CXorf58: variants seen among roughly 807,000 people sequenced by gnomAD.
CXorf58 encodes the protein chromosome X open reading frame 58, also known as uncharacterized protein CXorf58.
Under a neutral mutation model 26.0 loss-of-function variants are expected in CXorf58, and 24 were observed. The ratio of observed to expected loss-of-function variants is 0.92; its 90% CI spans 0.67 to 1.30. The LOEUF (loss-of-function observed/expected upper bound fraction) is 1.30. Ranked by LOEUF, CXorf58 falls within the 50% of genes most tolerant of loss-of-function variation. The pLI is 0.00. For missense variants in CXorf58, 236 were observed against 263.9 expected (o/e 0.89, Z 0.73); for synonymous variants, 87 against 86.1 (o/e 1.01, Z -0.06).
chrX:23,929,317 A>G (rs1928093434), intron 6 of CXorf58, among the ~76,000 whole-genome samples: 2 of 107,303 alleles, frequency 1.9e-5, no homozygotes, highest in Non-Finnish European at 3.9e-5. Context: ...GAGGCGGGAG[A>G]ATGGCGTGAA....
chrX:23,916,431 A>G (rs1927724351), intron 5 of CXorf58, 103 bp downstream of exon 5: 3 of 496,157 alleles, frequency 6.0e-6, no homozygotes, highest in South Asian at 7.3e-5. Context: ...TTCACCATGA[A>G]ACAGCCCACC....
At chrX:23,919,224 T>C (rs1199034080) in intron 5 of CXorf58, among the ~76,000 whole-genome samples, 1 of 112,016 alleles carries the variant, frequency 8.9e-6, no homozygotes, top group Non-Finnish European at 1.9e-5. Flanking sequence ...CTTTTGAGGC[T>C]ATTTTCTAGA....
At chrX:23,929,429 GA>G (rs1221039917) in intron 6 of CXorf58, among the ~76,000 whole-genome samples, 2 of 81,815 alleles carry the variant, frequency 2.4e-5, no homozygotes, top group Admixed American at 1.5e-4. Context: ...AAAAGAAAAA[GA>G]AAAAAAAAGA....
At chrX:23,917,921 A>G (rs1225878379) in intron 5 of CXorf58, among the ~76,000 whole-genome samples, 1 of 111,299 alleles carries the variant, frequency 9.0e-6, no homozygotes, top group African/African-American at 3.3e-5. Context: ...GCTCACTACA[A>G]GCTCCGCCTC....
intron 3 of CXorf58, among the ~76,000 whole-genome samples, chrX:23,914,589 A>G (rs1187078225): frequency 8.9e-6 from 1 of 111,840 alleles, no homozygotes. Flanking sequence ...TAGGCGTGAT[A>G]ATATTCTCAT....
rs145158819 is a variant in CXorf58 at position 23,915,738 on chromosome X, C to T, written c.255C>T (p.Ala85=). 4.2e-6 allele frequency: 5 copies of T among 1,193,403 alleles called. No individual in the cohort carries two copies. In the African/African-American group the frequency reaches 5.3e-5, roughly 13 times the overall value. ...CACATGAAATACTGAAGAAAGTGGC[C>T]CCCTTAGAGGCTAAGCTTATTAAGG... ...YVTHEILKKV[A]PLEAKLIKDP... is the part of the protein sequence containing the mutation. Residue 85 remains alanine (A), a synonymous_variant, in exon 4 of 9, where the codon GCC becomes GCT. Coordinates refer to ENST00000379211, the MANE Select transcript of CXorf58 (RefSeq NM_152761.3).
chrX:23,930,143 GC>G lies in CXorf58; in HGVS notation c.555+2775del, dbSNP rs202109075. The stretch of plus-strand genomic sequence containing the variant: ...ACCCAGGAGGCGGAGCTTGCAGTGA[GC>G]CGAGATTGCACCACTGCACTCCAGC... On this transcript the variant is annotated intron_variant, in intron 6 of 8. Transcript: ENST00000379211. Among the ~76,000 whole-genome samples, 813 of 92,426 alleles carry G rather than the reference GC, an allele frequency of 8.8e-3. 15 individuals carry two copies. The highest frequency in any genetic ancestry group is 0.032 in the African/African-American group (778 of 24,035). The allele number at this position is 92,426 out of a possible 115,157, so 80.3% of individuals were successfully genotyped here. A position where few individuals can be genotyped will look rare whatever the true frequency, so the allele number is the denominator to read the frequency against.
intron 6 of CXorf58, among the ~76,000 whole-genome samples, chrX:23,927,867 G>C (rs1018354480): frequency 3.6e-5 from 4 of 111,144 alleles, no homozygotes; most frequent in Non-Finnish European, 5.7e-5. Flanking sequence ...ACATTCACAG[G>C]GTTGTGCAAG....
At chrX:23,911,196 A>T (rs1316028477) in intron 2 of CXorf58, among the ~76,000 whole-genome samples, 1 of 110,374 alleles carries the variant, frequency 9.1e-6, no homozygotes, top group Non-Finnish European at 1.9e-5. Context: ...GAAGGAGGAG[A>T]CCCCTACAAT....
chrX:23,926,511 AG>A (rs1048629448), intron 5 of CXorf58, among the ~76,000 whole-genome samples: 2 of 112,057 alleles, frequency 1.8e-5, no homozygotes, highest in African/African-American at 6.5e-5. Flanking sequence ...CATAAAAGAG[AG>A]GTGGTACTAG....
In CXorf58 at chrX:23,916,324, G is replaced by C; in HGVS notation, c.419G>C (p.Ser140Thr). 1 of 1,111,416 alleles carries C rather than the reference G, an allele frequency of 9.0e-7. No individual in the cohort carries two copies. The highest frequency in any genetic ancestry group is 1.2e-6 in the Non-Finnish European group (1 of 807,821). 91.6% of individuals were successfully genotyped at this position (1,111,416 alleles called of 1,213,427 possible). A position where few individuals can be genotyped will look rare whatever the true frequency, so the allele number is the denominator to read the frequency against. Residue 140 changes from serine (S) to threonine (T), a missense_variant, in exon 5 of 9, where the codon AGT becomes ACT. Ser to Thr is a moderately conservative substitution (Grantham distance 58). Coordinates refer to ENST00000379211, the MANE Select transcript of CXorf58 (RefSeq NM_152761.3). ...FSGKNVLMPS[S>T]KAVDDACKLM... ...GGAAAAAATGTATTAATGCCGTCAA[G>C]TAAGGTGACGTTTCATGATGTACAT...
chrX:23,933,890 A>G (rs944823564), intron 6 of CXorf58, among the ~76,000 whole-genome samples: 4 of 110,043 alleles, frequency 3.6e-5, no homozygotes, highest in Non-Finnish European at 7.6e-5. Context: ...CCCCCAAAAA[A>G]AAAAAAAATA....
intron 3 of CXorf58, 93 bp downstream of exon 3, chrX:23,911,949 T>C: frequency 1.7e-6 from 1 of 579,950 alleles, no homozygotes; most frequent in African/African-American, 2.7e-5. Flanking sequence ...CTTCTTTATC[T>C]CCTCTTTTTT....
rs948588109 is a variant in CXorf58 at position 23,915,946 on chromosome X, G to A, written c.311+152G>A. 1.1e-5 allele frequency: 5 copies of A among 452,396 alleles called. No homozygotes were observed. The South Asian group carries it at 1.9e-4, about 17-fold the overall frequency. The allele number at this position is 452,396 out of a possible 1,213,427, so 37.3% of individuals were successfully genotyped here. A position where few individuals can be genotyped will look rare whatever the true frequency, so the allele number is the denominator to read the frequency against. The stretch of plus-strand genomic sequence containing the variant: ...TACATTTGTTATGTGAAGAAACCGA[G>A]GCATGACTCTGTGGCTAAAAGTTGC... On this transcript the variant is annotated intron_variant, in intron 4 of 8. Transcript: ENST00000379211.
At chrX:23,935,786 T>C (rs1928283051) in intron 7 of CXorf58, among the ~76,000 whole-genome samples, 1 of 110,255 alleles carries the variant, frequency 9.1e-6, no homozygotes, top group African/African-American at 3.3e-5. Context: ...GCCTTTTTTT[T>C]TTTTGAGACG....
intron 1 of CXorf58, 143 bp from the exon 2 acceptor site, chrX:23,910,140 T>G (rs969512639): frequency 5.3e-5 from 20 of 376,139 alleles, no homozygotes; most frequent in African/African-American, 4.2e-4. Context: ...GAATGTAAAC[T>G]GTAAGCAACT....
At chrX:23,935,044 T>C in intron 6 of CXorf58, 152 bp from the exon 7 acceptor site, 4 of 460,222 alleles carry the variant, frequency 8.7e-6, no homozygotes, top group Non-Finnish European at 1.1e-5. Context: ...TTTGTATTTT[T>C]AGTAGAGATG....
At position 23,910,760 on chromosome X, in the gene CXorf58, C is replaced by CTTT. The variant is rs779387168; in HGVS notation, c.116+363_116+365dup. Among the ~76,000 whole-genome samples, 47 of 51,416 alleles carry CTTT rather than the reference C, an allele frequency of 9.1e-4. 1 individual carries two copies. Among genetic ancestry groups the CTTT allele is most frequent in the African/African-American group, 2.7e-3 (32 of 11,842 alleles). 44.6% of individuals were successfully genotyped at this position (51,416 alleles called of 115,157 possible). A position where few individuals can be genotyped will look rare whatever the true frequency, so the allele number is the denominator to read the frequency against. ...TTCCACACTTCAGGCTTTTTCCTTT[C>CTTT]TTTTTTTTTTTTTTTTTTTTTTTCA... On this transcript the variant is annotated intron_variant, in intron 2 of 8. Transcript: ENST00000379211.
intron 6 of CXorf58, among the ~76,000 whole-genome samples, chrX:23,927,639 GTATA>G (rs1200085336): frequency 1.8e-5 from 2 of 109,811 alleles, no homozygotes; most frequent in African/African-American, 6.6e-5. Context: ...GTTTGTTATT[GTATA>G]TAGGTAAACT....
Sources: allele counts gnomAD v4.1 joint callset (sites outside exome capture counted in the v4.1 genomes callset), GRCh38; gene constraint gnomAD v4.1.1; transcripts MANE v1.5; gene names NCBI Gene and HGNC (gene_info 2026-07-23, HGNC 2026-07-21).